RBP7: variants seen among roughly 807,000 people sequenced by gnomAD.
RBP7 encodes retinoid-binding protein 7.
RBP7 carries 13 observed loss-of-function variants against 16.7 expected under a neutral mutation model. The ratio of observed to expected loss-of-function variants is 0.78; its 90% CI spans 0.51 to 1.24. RBP7 has a LOEUF of 1.24. Ranked by LOEUF, RBP7 falls within the 50% of genes most tolerant of loss-of-function variation. RBP7 has a pLI of 0.00. For missense variants in RBP7, 145 were observed against 159.5 expected (o/e 0.91, Z 0.49); for synonymous variants, 54 against 56.2 (o/e 0.96, Z 0.17).
intron 1 of RBP7, among the ~76,000 whole-genome samples, chr1:9,999,605 C>A (rs906040477): frequency 1.3e-5 from 2 of 152,090 alleles, no homozygotes; most frequent in South Asian, 2.1e-4. Flanking sequence ...TTATCAGCAG[C>A]GTGAAAATGG....
In RBP7 at chr1:9,998,640, C is replaced by T. The variant is rs1324648970; in HGVS notation, c.73+1309C>T. Among the ~76,000 whole-genome samples the T allele has an allele frequency of 2.0e-5, 3 of 149,992 alleles. No individual in the cohort carries two copies. The East Asian group carries it at 6.1e-4, about 31-fold the overall frequency. On this transcript the variant is annotated intron_variant, in intron 1 of 3. Coordinates refer to ENST00000294435, the MANE Select transcript of RBP7 (RefSeq NM_052960.3). ...GGCCAGGCTGGTCTCGAACATCTGC[C>T]CTCGTGATCTGCCCACCTTGGCCTC...
At position 9,997,441 on chromosome 1, in the gene RBP7, C is replaced by A; in HGVS notation, c.73+110C>A. Reference sequence around the variant, plus strand: ...TACGTCCTCTGTCCGTGCCTCCGCCCTGCTGCGCCCACCGTCGCCCAGTCG... The same window carrying A: ...TACGTCCTCTGTCCGTGCCTCCGCCATGCTGCGCCCACCGTCGCCCAGTCG... On this transcript the variant is annotated intron_variant, in intron 1 of 3. Transcript: ENST00000294435. The surrounding 1 kb of genome is among the most constrained non-coding windows in gnomAD (Gnocchi z 5.9). 3 of 1,030,494 alleles carry A rather than the reference C, an allele frequency of 2.9e-6. No homozygotes were observed. The highest frequency in any genetic ancestry group is 2.8e-5 in the East Asian group (1 of 35,802). The allele number at this position is 1,030,494 out of a possible 1,614,324, so 63.8% of individuals were successfully genotyped here. A position where few individuals can be genotyped will look rare whatever the true frequency, so the allele number is the denominator to read the frequency against.
rs777216075 is a variant in RBP7, at chr1:10,006,751, G to GTGTATA, written c.74-818_74-817insGTATAT. Among the ~76,000 whole-genome samples, 73 of 138,506 alleles carry GTGTATA rather than the reference G, an allele frequency of 5.3e-4. 1 individual carries two copies. Among genetic ancestry groups the GTGTATA allele is most frequent in the Admixed American group, 1.7e-3 (23 of 13,642 alleles). The allele number at this position is 138,506 out of a possible 152,430, so 90.9% of individuals were successfully genotyped here. A position where few individuals can be genotyped will look rare whatever the true frequency, so the allele number is the denominator to read the frequency against. On this transcript the variant is annotated intron_variant, in intron 1 of 3. Coordinates refer to ENST00000294435, the MANE Select transcript of RBP7 (RefSeq NM_052960.3). ...CGTGTGTGTGTGTGTGTGTGTGTGTGTATATATATATATAGAGAGAGAGAG... is the reference window on the plus strand; with the variant it reads ...CGTGTGTGTGTGTGTGTGTGTGTGTGTGTATATATATATATATATAGAGAGAGAGAG...
chr1:10,007,702 A>C lies in RBP7; in HGVS notation c.206A>C (p.Glu69Ala). Reference protein sequence around the residue: ...RNYFVKFKVGEEFDEDNRGLD... With the variant: ...RNYFVKFKVGAEFDEDNRGLD... ...TACTTTGTGAAATTTAAAGTTGGAG[A>C]AGAATTTGATGAAGATAACAGAGGC... is the stretch of plus-strand genomic sequence containing the variant. Residue 69 changes from glutamate (E) to alanine (A), a missense_variant, in exon 2 of 4, where the codon GAA becomes GCA. Coordinates refer to ENST00000294435, the MANE Select transcript of RBP7 (RefSeq NM_052960.3). The C allele has an allele frequency of 6.2e-7, 1 of 1,613,960 alleles. No homozygotes were observed. Among genetic ancestry groups the C allele is most frequent in the Non-Finnish European group, 8.5e-7 (1 of 1,180,006 alleles).
chr1:10,011,837 A>G (rs1298461764), intron 3 of RBP7, among the ~76,000 whole-genome samples: 3 of 152,116 alleles, frequency 2.0e-5, no homozygotes, highest in Non-Finnish European at 2.9e-5. Context: ...CAGGCGGATC[A>G]CCTGAGGTCA....
intron 3 of RBP7, among the ~76,000 whole-genome samples, chr1:10,009,882 CT>C (rs1436551341): frequency 2.6e-5 from 4 of 151,844 alleles, no homozygotes; most frequent in African/African-American, 4.8e-5. Context: ...CTTTCTTTTT[CT>C]TTTTCTTCTT....
intron 3 of RBP7, among the ~76,000 whole-genome samples, chr1:10,015,070 A>G (rs1642740296): frequency 6.6e-6 from 1 of 152,166 alleles, no homozygotes; most frequent in African/African-American, 2.4e-5. Context: ...AGAGTAGGCC[A>G]GGTGTGGTGG....
chr1:10,014,656 G>A (rs189551700), intron 3 of RBP7, among the ~76,000 whole-genome samples: 7 of 152,110 alleles, frequency 4.6e-5, no homozygotes, highest in African/African-American at 1.7e-4. Flanking sequence ...CAAAGTGCTG[G>A]GATTACAGGC....
chr1:10,012,151 C>T (rs1298193577), intron 3 of RBP7, among the ~76,000 whole-genome samples: 1 of 146,128 alleles, frequency 6.8e-6, no homozygotes, highest in East Asian at 2.0e-4. Flanking sequence ...GAGGAGGTTA[C>T]GGTGAGCCGA....
At chr1:10,011,153 C>T (rs962671041) in intron 3 of RBP7, among the ~76,000 whole-genome samples, 43 of 152,132 alleles carry the variant, frequency 2.8e-4, no homozygotes, top group African/African-American at 1.0e-3. Context: ...ATATATTTAA[C>T]ATTCTTTATT....
intron 1 of RBP7, chr1:10,006,965 G>T (rs2101735970): frequency 6.9e-6 from 3 of 436,608 alleles, no homozygotes; most frequent in Non-Finnish European, 1.4e-5. Context: ...CTTTTTTTTT[G>T]AGATGGAGTC....
At chr1:10,001,749 G>A (rs115765094) in intron 1 of RBP7, among the ~76,000 whole-genome samples, 1,805 of 152,160 alleles carry the variant, frequency 0.012, 13 homozygotes, top group Non-Finnish European at 0.02. Flanking sequence ...GAAGGTGGTG[G>A]TGTTACTAAC....
At chr1:10,000,404 C>A (rs183019997) in intron 1 of RBP7, among the ~76,000 whole-genome samples, 375 of 151,540 alleles carry the variant, frequency 2.5e-3, no homozygotes, top group Middle Eastern at 0.021. Context: ...CATGGTGGCT[C>A]ATGCCTGTAG....
rs184766834 is a variant in RBP7 at position 10,006,362 on chromosome 1, T to C, written c.74-1208T>C. Among the ~76,000 whole-genome samples, 9 of 152,008 alleles carry C rather than the reference T, an allele frequency of 5.9e-5. No homozygotes were observed. In the East Asian group the frequency reaches 1.7e-3, roughly 29 times the overall value. On this transcript the variant is annotated intron_variant, in intron 1 of 3. Coordinates refer to ENST00000294435, the MANE Select transcript of RBP7 (RefSeq NM_052960.3). Reference sequence around the variant, plus strand: ...TCTCTACAAAAAAATATTTAAAACATTTCCAGGCATGGTGGCATGTGCCTG... The same window carrying C: ...TCTCTACAAAAAAATATTTAAAACACTTCCAGGCATGGTGGCATGTGCCTG...
chr1:10,002,813 T>C (rs958606527), intron 1 of RBP7, among the ~76,000 whole-genome samples: 1 of 152,120 alleles, frequency 6.6e-6, no homozygotes, highest in Non-Finnish European at 1.5e-5. Flanking sequence ...CCAGAACTTA[T>C]GCTAATTCAA....
At chr1:10,001,150 A>C (rs147160079) in intron 1 of RBP7, among the ~76,000 whole-genome samples, 52 of 152,270 alleles carry the variant, frequency 3.4e-4, no homozygotes, top group African/African-American at 1.2e-3. Context: ...TCCAGCTGGC[A>C]TCTCATTTGA....
At chr1:10,005,036 C>T (rs1199228781) in intron 1 of RBP7, among the ~76,000 whole-genome samples, 3 of 152,042 alleles carry the variant, frequency 2.0e-5, no homozygotes, top group Non-Finnish European at 4.4e-5. Flanking sequence ...GTTTTGGTCT[C>T]AATACTTAAA....
At chr1:10,010,422 T>G (rs1642582362) in intron 3 of RBP7, among the ~76,000 whole-genome samples, 1 of 151,304 alleles carries the variant, frequency 6.6e-6, no homozygotes, top group African/African-American at 2.4e-5. Context: ...GGCCTGTTTT[T>G]GTTTGTGTTT....
chr1:10,004,161 C>G (rs903407502), intron 1 of RBP7: 9 of 148,604 alleles, frequency 6.1e-5, no homozygotes, highest in African/African-American at 2.0e-4. Flanking sequence ...CAACTTCCGT[C>G]TCCCCGGTTC....
Sources: allele counts gnomAD v4.1 joint callset (sites outside exome capture counted in the v4.1 genomes callset), GRCh38; gene constraint gnomAD v4.1.1; non-coding constraint Gnocchi (gnomAD v3.1); transcripts MANE v1.5; gene names NCBI Gene and HGNC (gene_info 2026-07-23, HGNC 2026-07-21).